Variants in SRGAP2B observed in about 807,000 individuals in gnomAD.
SRGAP2B encodes SLIT-ROBO Rho GTPase activating protein 2B, also known as SLIT-ROBO Rho GTPase-activating protein 2B.
A neutral mutation model predicts 22.2 loss-of-function variants in SRGAP2B; 9 were observed. The observed-to-expected ratio is 0.41, with a 90% CI of 0.24 to 0.71. The LOEUF (loss-of-function observed/expected upper bound fraction) is 0.71. Ranked by LOEUF, SRGAP2B falls within the 30% of genes least tolerant of loss-of-function variation. The pLI, the probability that SRGAP2B is intolerant of heterozygous loss-of-function variation, is 0.35. For synonymous variants in SRGAP2B, 36 were observed against 87.4 expected (o/e 0.41, Z 3.28); for missense variants, 114 against 235.8 (o/e 0.48, Z 3.38).
rs1553618298 is a variant in SRGAP2B at position 144,995,212 on chromosome 1, A to G, written c.68-12T>C. Reference sequence around the variant, plus strand: ...CTGAGCACGGATCTCTACAACAAAAACAAGAGAAGACAGTCAGAAAGACAG... The same window carrying G: ...CTGAGCACGGATCTCTACAACAAAAGCAAGAGAAGACAGTCAGAAAGACAG... On this transcript the variant is annotated splice_polypyrimidine_tract_variant and intron_variant, in intron 2 of 9. Coordinates refer to ENST00000612199, the Ensembl canonical transcript of SRGAP2B. 2 of 678,386 alleles carry G rather than the reference A, an allele frequency of 2.9e-6. No homozygotes were observed. Among genetic ancestry groups the G allele is most frequent in the Non-Finnish European group, 4.5e-6 (2 of 442,598 alleles). The allele number at this position is 678,386 out of a possible 1,614,324, so 42.0% of individuals were successfully genotyped here.
chr1:144,924,572 CA>C (rs1231608750), intron 4 of SRGAP2B, among the ~76,000 whole-genome samples: 4 of 150,022 alleles, frequency 2.7e-5, no homozygotes, highest in Admixed American at 6.6e-5. Context: ...ACTAAAAATA[CA>C]AAAAAAAAGT....
At chr1:145,015,611 G>A (rs1214346252) in intron 2 of SRGAP2B, among the ~76,000 whole-genome samples, 5 of 150,286 alleles carry the variant, frequency 3.3e-5, no homozygotes, top group South Asian at 2.1e-4. Flanking sequence ...CAAGAGGCTC[G>A]CAGAGGAGCT....
At position 145,036,246 on chromosome 1, in the gene SRGAP2B, T is replaced by A. The variant is rs587677110; in HGVS notation, c.68-41046A>T. On this transcript the variant is annotated intron_variant, in intron 2 of 9. Coordinates refer to ENST00000612199, the Ensembl canonical transcript of SRGAP2B. ...GTCAGTCTCTTACAGTGAGATAACC[T>A]CCAGTCACAACTCTCTCTCCAAATG... is the stretch of plus-strand genomic sequence containing the variant. Among the ~76,000 whole-genome samples, 277 of 131,148 alleles carry A rather than the reference T, an allele frequency of 2.1e-3. 3 individuals carry two copies. The highest frequency in any genetic ancestry group is 8.3e-3 in the African/African-American group (269 of 32,542). The allele number at this position is 131,148 out of a possible 152,430, so 86.0% of individuals were successfully genotyped here. A position where few individuals can be genotyped will look rare whatever the true frequency, so the allele number is the denominator to read the frequency against.
chr1:144,913,176 T>C (rs1400436164), intron 5 of SRGAP2B, among the ~76,000 whole-genome samples: 1 of 139,438 alleles, frequency 7.2e-6, no homozygotes, highest in East Asian at 2.2e-4. Context: ...AGTAGTCTTC[T>C]TCTGCTGCCT....
intron 2 of SRGAP2B, among the ~76,000 whole-genome samples, chr1:145,009,703 TAA>T (rs1420417653): frequency 7.0e-6 from 1 of 142,096 alleles, no homozygotes; most frequent in Non-Finnish European, 1.5e-5. Flanking sequence ...TTTTTTATAA[TAA>T]AAAGTTTTTA....
At chr1:145,022,058 G>C (rs1672845510) in intron 2 of SRGAP2B, among the ~76,000 whole-genome samples, 1 of 144,282 alleles carries the variant, frequency 6.9e-6, no homozygotes, top group Non-Finnish European at 1.5e-5. Context: ...TCATGCCCTG[G>C]AGAGAGGTAG....
At chr1:144,904,673 T>C (rs1195503210) in intron 7 of SRGAP2B, among the ~76,000 whole-genome samples, 3 of 48,466 alleles carry the variant, frequency 6.2e-5, no homozygotes, top group Admixed American at 3.5e-4. Flanking sequence ...CACTCCAGCC[T>C]GGGGGACAAA....
intron 2 of SRGAP2B, among the ~76,000 whole-genome samples, chr1:145,076,536 GA>G (rs1210163798): frequency 4.8e-5 from 7 of 146,006 alleles, no homozygotes; most frequent in South Asian, 2.1e-4. Flanking sequence ...TGTGCTGAGT[GA>G]AAAAAAAAGG....
chr1:144,941,051 T>G (rs1626323), intron 4 of SRGAP2B, among the ~76,000 whole-genome samples: 1 of 149,522 alleles, frequency 6.7e-6, no homozygotes, highest in African/African-American at 2.5e-5. Context: ...ATCAAAATGT[T>G]AATCATGATT....
At chr1:144,951,109 A>G (rs1553609273) in intron 4 of SRGAP2B, among the ~76,000 whole-genome samples, 1 of 150,746 alleles carries the variant, frequency 6.6e-6, no homozygotes, top group Non-Finnish European at 1.5e-5. Context: ...TGGCCTCCCA[A>G]AGCGCTGCGA....
Position 145,022,357 on chromosome 1 carries a change from C to T in SRGAP2B, c.68-27157G>A, listed in dbSNP as rs587671362. 4.9e-4 allele frequency among the ~76,000 whole-genome samples: 51 copies of T among 104,562 alleles called. 1 individual carries two copies. The highest frequency in any genetic ancestry group is 8.3e-4 in the Non-Finnish European group (44 of 53,068). The allele number at this position is 104,562 out of a possible 152,430, so 68.6% of individuals were successfully genotyped here. ...CAACCCCACACACAAAAACAACAAC[C>T]AAGTTTTATATAAGGGAGGGGAAGT... On this transcript the variant is annotated intron_variant, in intron 2 of 9. Coordinates refer to ENST00000612199, the Ensembl canonical transcript of SRGAP2B.
In SRGAP2B at chr1:144,994,583, A is replaced by T. The variant is rs1305691536; in HGVS notation, c.260+425T>A. 3.3e-3 allele frequency among the ~76,000 whole-genome samples: 492 copies of T among 148,106 alleles called. 4 individuals carry two copies. Among genetic ancestry groups the T allele is most frequent in the South Asian group, 0.011 (50 of 4,730 alleles). On this transcript the variant is annotated intron_variant, in intron 3 of 9. Coordinates refer to ENST00000612199, the Ensembl canonical transcript of SRGAP2B. ...GTGTGTGTGTGAGAGAGAGAGAGAGAGAGAGAGAGAGAGAGAGAGAGAGAG... is the reference window on the plus strand; with the variant it reads ...GTGTGTGTGTGAGAGAGAGAGAGAGTGAGAGAGAGAGAGAGAGAGAGAGAG...
At chr1:144,985,504 A>T (rs1228446687) in intron 3 of SRGAP2B, among the ~76,000 whole-genome samples, 5 of 144,190 alleles carry the variant, frequency 3.5e-5, no homozygotes, top group South Asian at 2.2e-4. Flanking sequence ...AAGTCTATTT[A>T]AAAAAAAAAC....
intron 3 of SRGAP2B, among the ~76,000 whole-genome samples, chr1:144,956,439 C>G (rs1409462294): frequency 3.1e-5 from 3 of 95,380 alleles, no homozygotes; most frequent in Non-Finnish European, 6.2e-5. Flanking sequence ...TGCTCATTCC[C>G]TTTTTTTTTT....
At chr1:145,090,999 GT>G (rs1653939595) in intron 2 of SRGAP2B, among the ~76,000 whole-genome samples, 1 of 63,204 alleles carries the variant, frequency 1.6e-5, no homozygotes, top group African/African-American at 7.9e-5. Flanking sequence ...AATGAGCAAT[GT>G]TTGTAAATAT....
At chr1:144,975,948 A>G (rs1380238328) in intron 3 of SRGAP2B, among the ~76,000 whole-genome samples, 7 of 134,460 alleles carry the variant, frequency 5.2e-5, no homozygotes, top group Admixed American at 4.4e-4. Context: ...ATCTCGGCTC[A>G]CTGCAAGCTC....
intron 4 of SRGAP2B, among the ~76,000 whole-genome samples, chr1:144,939,872 A>G (rs1448921362): frequency 7.3e-5 from 11 of 149,914 alleles, no homozygotes; most frequent in Non-Finnish European, 1.5e-4. Flanking sequence ...GCAAGGCAGG[A>G]AGGGATGCAA....
rs1399121757 is a variant in SRGAP2B at position 145,063,104 on chromosome 1, C to T, written c.67+29731G>A. ...AATGTGTGATTTCAAAGGCAGATCC[C>T]AAAACTGATGGGATCCTCAATGAGA... is the stretch of plus-strand genomic sequence containing the variant. On this transcript the variant is annotated intron_variant, in intron 2 of 9. Transcript: ENST00000612199. Among the ~76,000 whole-genome samples, 2 of 145,134 alleles carry T rather than the reference C, an allele frequency of 1.4e-5. 1 individual carries two copies. The highest frequency in any genetic ancestry group is 5.3e-5 in the African/African-American group (2 of 37,678).
intron 5 of SRGAP2B, among the ~76,000 whole-genome samples, chr1:144,908,786 ATATC>A: frequency 7.3e-6 from 1 of 136,780 alleles, no homozygotes; most frequent in Non-Finnish European, 1.5e-5. Context: ...TTAGATATAT[ATATC>A]TATGTACATA....
Sources: gnomAD v4.1 joint callset for allele counts (sites outside exome capture counted in the v4.1 genomes callset) on GRCh38, gnomAD v4.1.1 for gene constraint, MANE v1.5 for transcripts, NCBI Gene and HGNC (gene_info 2026-07-23, HGNC 2026-07-21) for gene names.